The following SPOCK1 variants were observed in gnomAD, a reference collection of about 807,000 sequenced individuals.
SPOCK1 encodes SPARC (osteonectin), cwcv and kazal like domains proteoglycan 1.
SPOCK1 carries 23 observed loss-of-function variants against 55.3 expected under a neutral mutation model. That is an observed-to-expected ratio of 0.42 (90% CI 0.30 to 0.59). SPOCK1 has a LOEUF of 0.59. SPOCK1 is among the 20% of genes least tolerant of loss of function. The probability of loss-of-function intolerance (pLI) is 0.22; values close to 1 mark genes in which losing one functional copy is unlikely to be tolerated. For missense variants in SPOCK1, 499 were observed against 552.5 expected, an observed-to-expected ratio of 0.90 and a Z score of 0.97; for synonymous variants, 226 against 221.0, an observed-to-expected ratio of 1.02 and a Z score of -0.20.
intron 3 of SPOCK1, among the ~76,000 whole-genome samples, chr5:137,153,261 G>A (rs1754353102): frequency 6.6e-6 from 1 of 152,202 alleles, no homozygotes; most frequent in African/African-American, 2.4e-5. Context: ...GGCATCTCTG[G>A]ATGGATCTAA....
intron 9 of SPOCK1, among the ~76,000 whole-genome samples, chr5:136,980,993 G>C (rs1372380901): frequency 6.6e-6 from 1 of 152,124 alleles, no homozygotes; most frequent in Non-Finnish European, 1.5e-5. Context: ...GTAACTGATA[G>C]TATCCATTTC....
At chr5:137,380,090 C>T (rs776957954) in intron 2 of SPOCK1, among the ~76,000 whole-genome samples, 1 of 152,184 alleles carries the variant, frequency 6.6e-6, no homozygotes, top group Non-Finnish European at 1.5e-5. Context: ...TAATAAACTC[C>T]AGACCGACAG....
chr5:137,218,537 T>A (rs1476023619), intron 3 of SPOCK1, among the ~76,000 whole-genome samples: 1 of 152,242 alleles, frequency 6.6e-6, no homozygotes, highest in Non-Finnish European at 1.5e-5. Flanking sequence ...GAAGTTGGAA[T>A]CCCAGAAAAC....
chr5:137,307,866 C>T (rs1757725138), intron 2 of SPOCK1, among the ~76,000 whole-genome samples: 2 of 152,200 alleles, frequency 1.3e-5, no homozygotes. Flanking sequence ...GTGTCATGAC[C>T]TTGCATAGTG....
intron 6 of SPOCK1, among the ~76,000 whole-genome samples, chr5:137,051,448 T>C (rs1007316427): frequency 6.6e-6 from 1 of 152,164 alleles, no homozygotes; most frequent in Non-Finnish European, 1.5e-5. Context: ...CATGAAAAAT[T>C]CAAGCCATGA....
Position 137,279,937 on chromosome 5 carries a change from G to A in SPOCK1, c.187-12882C>T, listed in dbSNP as rs565335275. 2.0e-5 allele frequency among the ~76,000 whole-genome samples: 3 copies of A among 152,318 alleles called. No individual in the cohort carries two copies. In the South Asian group the frequency reaches 6.2e-4, roughly 32 times the overall value. ...TCCCTCCTAAAGAGACATGCTGAGA[G>A]CTTGCTGTACCTTTCCTTTGTTAAA... On this transcript the variant is annotated intron_variant, in intron 2 of 10. Transcript: ENST00000394945.
At chr5:137,305,072 T>C (rs1757679840) in intron 2 of SPOCK1, among the ~76,000 whole-genome samples, 1 of 152,142 alleles carries the variant, frequency 6.6e-6, no homozygotes, top group Non-Finnish European at 1.5e-5. Context: ...CAACTATTAA[T>C]TTACCCATAG....
chr5:136,999,483 T>G (rs1044101825), intron 6 of SPOCK1, among the ~76,000 whole-genome samples: 1 of 151,866 alleles, frequency 6.6e-6, no homozygotes, highest in Non-Finnish European at 1.5e-5. Context: ...GTTTTGAAAG[T>G]GGAGAGGTAG....
At chr5:137,202,139 C>T (rs545243870) in intron 3 of SPOCK1, among the ~76,000 whole-genome samples, 76 of 152,270 alleles carry the variant, frequency 5.0e-4, no homozygotes, top group African/African-American at 1.5e-3. Context: ...TCATACTGAT[C>T]CCATTCTTAT....
chr5:137,016,080 G>C (rs964155645), intron 6 of SPOCK1, among the ~76,000 whole-genome samples: 2 of 152,164 alleles, frequency 1.3e-5, no homozygotes, highest in East Asian at 3.9e-4. Flanking sequence ...AGGCCTAGGG[G>C]AGATAAGGGT....
chr5:137,182,218 G>A (rs1252484124), intron 3 of SPOCK1, among the ~76,000 whole-genome samples: 1 of 152,054 alleles, frequency 6.6e-6, no homozygotes, highest in Non-Finnish European at 1.5e-5. Flanking sequence ...CATCAGCTGT[G>A]ATTTTCCTCA....
chr5:137,247,908 G>T (rs1228138790), intron 3 of SPOCK1, among the ~76,000 whole-genome samples: 1 of 152,100 alleles, frequency 6.6e-6, no homozygotes, highest in Non-Finnish European at 1.5e-5. Flanking sequence ...ATTCACGAGG[G>T]ATCTGCCCCC....
At chr5:136,988,393 A>G in intron 8 of SPOCK1, 29 bp downstream of exon 8, 5 of 1,596,604 alleles carry the variant, frequency 3.1e-6, no homozygotes, top group Non-Finnish European at 3.4e-6. Context: ...GCCCTGGGCT[A>G]GGGACCCCAA....
At position 137,302,509 on chromosome 5, in the gene SPOCK1, A is replaced by G. The variant is rs926566580; in HGVS notation, c.187-35454T>C. ...GGAGAATGGCATGAACCTGGGAGGC[A>G]GAGCTTGCAGTGAGGGGAGATTGTG... On this transcript the variant is annotated intron_variant, in intron 2 of 10. Coordinates refer to ENST00000394945, the MANE Select transcript of SPOCK1 (RefSeq NM_004598.4). Among the ~76,000 whole-genome samples, 5 of 151,882 alleles carry G rather than the reference A, an allele frequency of 3.3e-5. No homozygotes were observed. In the East Asian group the frequency reaches 7.7e-4, roughly 23 times the overall value.
chr5:137,381,555 G>A (rs1345776279), intron 2 of SPOCK1, among the ~76,000 whole-genome samples: 1 of 152,140 alleles, frequency 6.6e-6, no homozygotes, highest in African/African-American at 2.4e-5. Flanking sequence ...CTTGTCTTCT[G>A]CACACCCACA....
rs576208724 is a variant in SPOCK1 at position 137,055,374 on chromosome 5, A to T, written c.589+12341T>A. Among the ~76,000 whole-genome samples the T allele has an allele frequency of 2.0e-5, 3 of 152,216 alleles. No individual in the cohort carries two copies. In the East Asian group the frequency reaches 5.8e-4, roughly 29 times the overall value. On this transcript the variant is annotated intron_variant, in intron 6 of 10. Transcript: ENST00000394945. The stretch of plus-strand genomic sequence containing the variant: ...TGTCCTCAATTTTAGGGCAAAAAAA[A>T]CCCTCTGGGGGTATTGTTTTAAGCT...
intron 2 of SPOCK1, among the ~76,000 whole-genome samples, chr5:137,411,994 G>A (rs546485526): frequency 3.0e-4 from 45 of 152,196 alleles, no homozygotes; most frequent in Non-Finnish European, 6.3e-4. Flanking sequence ...GAAGAATGAG[G>A]GGAGAGAGAC....
chr5:137,073,292 G>T (rs1271922581), intron 5 of SPOCK1, among the ~76,000 whole-genome samples: 1 of 152,180 alleles, frequency 6.6e-6, no homozygotes, highest in East Asian at 1.9e-4. Flanking sequence ...AAGAGACAGA[G>T]AATAAAGGAG....
intron 2 of SPOCK1, among the ~76,000 whole-genome samples, chr5:137,366,632 G>A (rs1326716124): frequency 6.6e-6 from 1 of 152,198 alleles, no homozygotes; most frequent in Non-Finnish European, 1.5e-5. Context: ...CAGGTGAAGT[G>A]AGTTAATGCC....
Sources: gnomAD v4.1 joint callset for allele counts (sites outside exome capture counted in the v4.1 genomes callset) on GRCh38, gnomAD v4.1.1 for gene constraint, MANE v1.5 for transcripts, NCBI Gene and HGNC (gene_info 2026-07-23, HGNC 2026-07-21) for gene names.